The following PSD3 variants were observed in gnomAD, a reference collection of about 807,000 sequenced individuals.
The protein encoded by PSD3 is PH and SEC7 domain-containing protein 3.
A neutral mutation model predicts 105.5 loss-of-function variants in PSD3; 49 were observed. That is an observed-to-expected ratio of 0.46 (90% confidence interval 0.37 to 0.59). The LOEUF (loss-of-function observed/expected upper bound fraction) is 0.59. Among genes scored for constraint, PSD3 ranks in the 20% least tolerant of loss-of-function variants. The probability of loss-of-function intolerance (pLI) is 0.00; values close to 1 mark genes in which losing one functional copy is unlikely to be tolerated. For missense variants in PSD3, 1,561 were observed against 1,263.8 expected, an observed-to-expected ratio of 1.24 and a Z score of -3.57; for synonymous variants, 557 against 457.8, an observed-to-expected ratio of 1.22 and a Z score of -2.77.
At chr8:19,015,526 C>G (rs974520461), upstream of PSD3, among the ~76,000 whole-genome samples, 3 of 152,182 alleles carry the variant, frequency 2.0e-5, no homozygotes, top group African/African-American at 7.2e-5. Flanking sequence ...AAAAGTAAGA[C>G]CCAGTACAAA....
chr8:18,764,570 C>T (rs886669562), intron 9 of PSD3, among the ~76,000 whole-genome samples: 3 of 152,118 alleles, frequency 2.0e-5, no homozygotes, highest in African/African-American at 7.2e-5. Flanking sequence ...CCAAATCTGG[C>T]AGAACTCTAT....
chr8:18,907,747 C>T (rs1819940431), intron 2 of PSD3, among the ~76,000 whole-genome samples: 1 of 152,326 alleles, frequency 6.6e-6, no homozygotes, highest in Non-Finnish European at 1.5e-5. Flanking sequence ...CATCATTAAG[C>T]AGCACATGAC....
At position 18,977,846 on chromosome 8, in the gene PSD3, T is replaced by C. The variant is rs139357841; in HGVS notation, c.21+35717A>G. On this transcript the variant is annotated intron_variant, in intron 1 of 15. Transcript: ENST00000327040. ...CTGATTTTCCTAAAATCAACACACATTACTTATGCAATAAGATTTTAACTG... is the reference window on the plus strand; with the variant it reads ...CTGATTTTCCTAAAATCAACACACACTACTTATGCAATAAGATTTTAACTG... 6.6e-3 allele frequency among the ~76,000 whole-genome samples: 1,009 copies of C among 152,284 alleles called. 13 individuals are homozygous for C. The highest frequency in any genetic ancestry group is 0.023 in the African/African-American group (966 of 41,562).
chr8:18,966,728 C>T lies in PSD3; in HGVS notation c.22-30586G>A, dbSNP rs28721520. Among the ~76,000 whole-genome samples the T allele has an allele frequency of 4.8e-3, 734 of 152,246 alleles. 6 individuals are homozygous for T. Among genetic ancestry groups the T allele is most frequent in the African/African-American group, 0.017 (703 of 41,532 alleles). Reference sequence around the variant, plus strand: ...ACCAGTGTGCCCCAGGAGGACGCAACGTTTCCGGACCAACGGGCACATCTT... The same window carrying T: ...ACCAGTGTGCCCCAGGAGGACGCAATGTTTCCGGACCAACGGGCACATCTT... On this transcript the variant is annotated intron_variant, in intron 1 of 15. Transcript: ENST00000327040.
At chr8:19,005,926 T>C (rs2129474879) in intron 1 of PSD3, among the ~76,000 whole-genome samples, 1 of 151,858 alleles carries the variant, frequency 6.6e-6, no homozygotes, top group African/African-American at 2.4e-5. Context: ...CTCAATAAAG[T>C]TGTTTAAAAA....
chr8:18,885,936 T>G (rs966912629), intron 2 of PSD3, among the ~76,000 whole-genome samples: 9 of 152,154 alleles, frequency 5.9e-5, no homozygotes, highest in Admixed American at 2.0e-4. Flanking sequence ...TCCAGAACAT[T>G]TTTGGTGCTA....
intron 4 of PSD3, among the ~76,000 whole-genome samples, chr8:18,825,922 G>C (rs780419996): frequency 2.3e-4 from 35 of 152,180 alleles, no homozygotes; most frequent in Non-Finnish European, 4.7e-4. Context: ...CTGGGCCACA[G>C]GATATCTAGA....
intron 10 of PSD3, among the ~76,000 whole-genome samples, chr8:18,639,279 G>C (rs10441670): frequency 0.028 from 4,208 of 151,732 alleles, 108 homozygotes; most frequent in East Asian, 0.088. Context: ...TTTTAATTGA[G>C]AGTTTGCCTG....
chr8:18,874,702 CAAAAAAAAA>C (rs746055038), intron 2 of PSD3, among the ~76,000 whole-genome samples: 1 of 52,838 alleles, frequency 1.9e-5, no homozygotes, highest in Non-Finnish European at 3.8e-5. Context: ...GACTCCATCT[CAAAAAAAAA>C]AAAAAAAAAA....
chr8:18,663,465 T>C (rs887239872), intron 9 of PSD3, among the ~76,000 whole-genome samples: 43 of 150,292 alleles, frequency 2.9e-4, no homozygotes, highest in Admixed American at 2.7e-3. Flanking sequence ...CGAATAAAAA[T>C]GTAATTGCTA....
At chr8:18,654,840 T>C (rs1337914738) in intron 10 of PSD3, among the ~76,000 whole-genome samples, 1 of 152,124 alleles carries the variant, frequency 6.6e-6, no homozygotes, top group East Asian at 1.9e-4. Context: ...GCTGTTGTTG[T>C]TTTGTGCTTA....
chr8:18,776,245 GCT>G (rs762919210), intron 8 of PSD3, among the ~76,000 whole-genome samples: 1,727 of 142,344 alleles, frequency 0.012, 40 homozygotes, highest in African/African-American at 0.041. Context: ...GGTTACCATG[GCT>G]CTCTCTCTCT....
chr8:18,539,105 A>G (rs1800003053), intron 15 of PSD3, among the ~76,000 whole-genome samples: 1 of 152,222 alleles, frequency 6.6e-6, no homozygotes, highest in South Asian at 2.1e-4. Context: ...ACCAAACCAA[A>G]TATACCTCTT....
At chr8:19,011,154 C>G (rs1826932827) in intron 1 of PSD3, among the ~76,000 whole-genome samples, 1 of 152,116 alleles carries the variant, frequency 6.6e-6, no homozygotes, top group South Asian at 2.1e-4. Flanking sequence ...TTCATAATGT[C>G]CAAATGACAT....
intron 9 of PSD3, among the ~76,000 whole-genome samples, chr8:18,666,538 A>G (rs1799467192): frequency 6.6e-6 from 1 of 152,222 alleles, no homozygotes; most frequent in African/African-American, 2.4e-5. Context: ...CATTAAGTCC[A>G]AATGCTGGTT....
At chr8:18,717,871 T>G (rs901688103) in intron 9 of PSD3, among the ~76,000 whole-genome samples, 1 of 152,092 alleles carries the variant, frequency 6.6e-6, no homozygotes, top group South Asian at 2.1e-4. Context: ...AACATTAAAT[T>G]CTCTGCGGTG....
intron 2 of PSD3, among the ~76,000 whole-genome samples, chr8:18,883,308 A>C (rs1818238135): frequency 1.3e-5 from 2 of 152,226 alleles, no homozygotes; most frequent in African/African-American, 4.8e-5. Flanking sequence ...ATAGACATCA[A>C]CTAAAGTAAG....
rs143426387 is a variant in PSD3 at position 19,061,300 on chromosome 8, G to A, written c.324+22906C>T. ...GTTGGTCAAGATCCTTATAATTAGAGAATAAAAATAAAAATATTTTGGGAA... is the reference window on the plus strand; with the variant it reads ...GTTGGTCAAGATCCTTATAATTAGAAAATAAAAATAAAAATATTTTGGGAA... On this transcript the variant is annotated intron_variant, in intron 1 of 1. Coordinates refer to the PSD3 transcript ENST00000521475. 2.2e-4 allele frequency among the ~76,000 whole-genome samples: 33 copies of A among 152,032 alleles called. No homozygotes were observed. In the East Asian group the frequency reaches 6.0e-3, roughly 28 times the overall value.
At chr8:18,539,161 C>A (rs1362300412) in intron 15 of PSD3, among the ~76,000 whole-genome samples, 1 of 152,192 alleles carries the variant, frequency 6.6e-6, no homozygotes, top group Non-Finnish European at 1.5e-5. Context: ...GACTAACCAG[C>A]AGGTATTAGT....
Sources: gnomAD v4.1 joint callset for allele counts (sites outside exome capture counted in the v4.1 genomes callset) on GRCh38, gnomAD v4.1.1 for gene constraint, MANE v1.5 for transcripts, NCBI Gene and HGNC (gene_info 2026-07-23, HGNC 2026-07-21) for gene names.